AVL9: variants seen among roughly 807,000 people sequenced by gnomAD.
The protein encoded by AVL9 is AVL9 cell migration associated.
Under a neutral mutation model 79.2 loss-of-function variants are expected in AVL9, and 49 were observed. That is an observed-to-expected ratio of 0.62 (90% CI 0.49 to 0.79). The LOEUF is 0.79. Ranked by LOEUF, AVL9 falls within the 30% of genes least tolerant of loss-of-function variation. The pLI is 0.00. For missense variants in AVL9, 682 were observed against 776.8 expected (o/e 0.88, Z 1.45); for synonymous variants, 299 against 280.6 (o/e 1.07, Z -0.65).
intron 6 of AVL9, among the ~76,000 whole-genome samples, chr7:32,553,515 T>G (rs761400457): frequency 1.3e-5 from 2 of 152,214 alleles, no homozygotes; most frequent in African/African-American, 2.4e-5. Flanking sequence ...AAGACAGGTT[T>G]AAAATATTTT....
intron 1 of AVL9, among the ~76,000 whole-genome samples, chr7:32,519,068 A>T (rs1788028416): frequency 6.6e-6 from 1 of 152,226 alleles, no homozygotes; most frequent in Non-Finnish European, 1.5e-5. Flanking sequence ...CTATGATTAT[A>T]TGTGCCATGT....
intron 1 of AVL9, among the ~76,000 whole-genome samples, chr7:32,502,063 TA>T (rs34438459): frequency 2.5e-4 from 38 of 150,012 alleles, no homozygotes; most frequent in South Asian, 1.0e-3. Context: ...ACATTTATGA[TA>T]AAAAAAAAAT....
intron 1 of AVL9, among the ~76,000 whole-genome samples, chr7:32,498,679 T>C (rs1786976596): frequency 6.6e-6 from 1 of 151,874 alleles, no homozygotes; most frequent in Non-Finnish European, 1.5e-5. Context: ...TGTTAGCTTC[T>C]AGATGTCATT....
At position 32,552,136 on chromosome 7, in the gene AVL9, C is replaced by T. The variant is rs1789860376; in HGVS notation, c.463-93C>T. The T allele has an allele frequency of 3.9e-6, 3 of 777,012 alleles. No homozygotes were observed. In the East Asian group the frequency reaches 8.3e-5, roughly 22 times the overall value. 48.1% of individuals were successfully genotyped at this position (777,012 alleles called of 1,614,324 possible). Reference sequence around the variant, plus strand: ...TAGCGCCTAGCAGAACAAACTACCTCAATTAAGGAATCAGCTTTTTTCTGA... The same window carrying T: ...TAGCGCCTAGCAGAACAAACTACCTTAATTAAGGAATCAGCTTTTTTCTGA... On this transcript the variant is annotated intron_variant, in intron 5 of 15. Transcript: ENST00000318709.
chr7:32,559,430 A>T lies in AVL9; in HGVS notation c.1181A>T (p.Asp394Val), dbSNP rs1264259511. Residue 394 changes from aspartate to valine, a missense_variant, in exon 10 of 16, where the codon GAT becomes GTT. By Grantham distance (152) the Asp-to-Val change is radical. Transcript: ENST00000318709. ...GGGCTCATTTCGGGTTTGGAAGAGG[A>T]TCAGTATGGCATGCCCCTGGCCATC... The part of the protein sequence containing the change: ...IPGLISGLEE[D>V]QYGMPLAIFT... 6.3e-7 allele frequency: 1 copy of T among 1,598,084 alleles called. No individual in the cohort carries two copies. The highest frequency in any genetic ancestry group is 8.5e-7 in the Non-Finnish European group (1 of 1,172,948).
intron 11 of AVL9, 26 bp from the exon 12 acceptor site, chr7:32,573,173 C>CT (rs1217578502): frequency 6.2e-7 from 1 of 1,600,612 alleles, no homozygotes; most frequent in Admixed American, 1.7e-5. Flanking sequence ...TGCCCAGACT[C>CT]TGACTTGTAC....
At chr7:32,510,063 C>G (rs918493852) in intron 1 of AVL9, among the ~76,000 whole-genome samples, 10 of 152,218 alleles carry the variant, frequency 6.6e-5, no homozygotes, top group Admixed American at 2.6e-4. Flanking sequence ...ACAGTCCTGG[C>G]AATTCTGAAC....
intron 1 of AVL9, among the ~76,000 whole-genome samples, chr7:32,503,319 G>GATAT (rs371363185): frequency 0.012 from 1,465 of 120,546 alleles, 40 homozygotes; most frequent in South Asian, 0.039. Context: ...TCTACTAAAA[G>GATAT]ATATATATAT....
chr7:32,500,350 C>G (rs937617908), intron 1 of AVL9, among the ~76,000 whole-genome samples: 2 of 152,224 alleles, frequency 1.3e-5, no homozygotes, highest in African/African-American at 4.8e-5. Flanking sequence ...TGATGATGAG[C>G]TTTTTTTCAT....
chr7:32,544,486 T>TG (rs1490796952), intron 2 of AVL9, among the ~76,000 whole-genome samples: 1 of 152,230 alleles, frequency 6.6e-6, no homozygotes, highest in African/African-American at 2.4e-5. Flanking sequence ...TTCAGTCTCT[T>TG]GGGCTTTTTG....
At chr7:32,503,149 G>A (rs1787214066) in intron 1 of AVL9, among the ~76,000 whole-genome samples, 1 of 151,638 alleles carries the variant, frequency 6.6e-6, no homozygotes, top group South Asian at 2.1e-4. Flanking sequence ...TCAGAAGTGT[G>A]ACTTCTGAAT....
rs1422474900 is a variant in AVL9, at chr7:32,495,693, GC to G, written c.-14del. The G allele has an allele frequency of 1.6e-6, 2 of 1,254,762 alleles. No individual in the cohort carries two copies. The highest frequency in any genetic ancestry group is 3.1e-5 in the African/African-American group (2 of 64,588). The allele number at this position is 1,254,762 out of a possible 1,614,324, so 77.7% of individuals were successfully genotyped here. ...CTTGGCGGTCGAAGTCGTCGTGCGGGCCCGCGGCGGCCGCCCATGGAGAAGG... is the reference window on the plus strand; with the variant it reads ...CTTGGCGGTCGAAGTCGTCGTGCGGGCCGCGGCGGCCGCCCATGGAGAAGG... On this transcript the variant is annotated 5_prime_UTR_variant, in exon 1 of 16. Coordinates refer to ENST00000318709, the MANE Select transcript of AVL9 (RefSeq NM_015060.3).
chr7:32,565,667 C>T lies in AVL9; in HGVS notation c.1216-4353C>T, dbSNP rs185534751. On this transcript the variant is annotated intron_variant, in intron 10 of 15. Coordinates refer to ENST00000318709, the MANE Select transcript of AVL9 (RefSeq NM_015060.3). ...TCACTTGAGCTCAGAAATTTGAGAC[C>T]AGCCTGAGCAACATAGTGAGACCTC... Among the ~76,000 whole-genome samples the T allele has an allele frequency of 4.0e-3, 612 of 151,700 alleles. 6 individuals carry two copies. Among genetic ancestry groups the T allele is most frequent in the African/African-American group, 0.014 (594 of 41,414 alleles).
Position 32,570,163 on chromosome 7 carries a change from A to G in AVL9, c.1350+9A>G, listed in dbSNP as rs747933513. On this transcript the variant is annotated intron_variant, in intron 11 of 15. Transcript: ENST00000318709. The stretch of plus-strand genomic sequence containing the variant: ...GTGATGCCATTGTGGAAGTACGTTT[A>G]TGTGTGAGTGTGTGTATTTGGCCCT... The G allele has an allele frequency of 1.2e-6, 2 of 1,614,114 alleles. No homozygotes were observed. The highest frequency in any genetic ancestry group is 1.7e-6 in the Non-Finnish European group (2 of 1,179,966).
In AVL9 at chr7:32,576,002, T is replaced by C; in HGVS notation, c.1618T>C (p.Trp540Arg). Residue 540 changes from tryptophan (W) to arginine (R), a missense_variant, in exon 13 of 16, where the codon TGG (tryptophan) becomes CGG (arginine). Trp to Arg is a moderately radical substitution (Grantham distance 101). Transcript: ENST00000318709. The stretch of plus-strand genomic sequence containing the variant: ...CTATGGGACAACTTTTGTTACAGCA[T>C]GGAAGAATACTCACAACTACAGGGT... Reference protein sequence around the residue: ...SDYGTTFVTAWKNTHNYRVWN... With the variant: ...SDYGTTFVTARKNTHNYRVWN... The C allele has an allele frequency of 6.2e-7, 1 of 1,614,120 alleles. No homozygotes were observed. The highest frequency in any genetic ancestry group is 8.5e-7 in the Non-Finnish European group (1 of 1,179,966).
chr7:32,543,986 T>G (rs1013870417), intron 2 of AVL9, among the ~76,000 whole-genome samples: 1 of 151,772 alleles, frequency 6.6e-6, no homozygotes, highest in Non-Finnish European at 1.5e-5. Flanking sequence ...CCTGAGCTCC[T>G]GAGCTCAAGC....
At chr7:32,515,716 A>ACT (rs1787876373) in intron 1 of AVL9, among the ~76,000 whole-genome samples, 1 of 152,012 alleles carries the variant, frequency 6.6e-6, no homozygotes, top group Non-Finnish European at 1.5e-5. Context: ...GTTTCTCCTT[A>ACT]CTGTTATAGC....
rs775065389 is a variant in AVL9, at chr7:32,495,700, G to A, written c.-10G>A. Reference sequence around the variant, plus strand: ...GTCGAAGTCGTCGTGCGGGCCCGCGGCGGCCGCCCATGGAGAAGGCCAGGA... The same window carrying A: ...GTCGAAGTCGTCGTGCGGGCCCGCGACGGCCGCCCATGGAGAAGGCCAGGA... On this transcript the variant is annotated 5_prime_UTR_variant, in exon 1 of 16. Transcript: ENST00000318709. The A allele has an allele frequency of 2.4e-6, 3 of 1,256,008 alleles. No homozygotes were observed. The highest frequency in any genetic ancestry group is 3.5e-5 in the South Asian group (1 of 28,490). 77.8% of individuals were successfully genotyped at this position (1,256,008 alleles called of 1,614,324 possible).
intron 1 of AVL9, among the ~76,000 whole-genome samples, chr7:32,518,949 C>A (rs997300069): frequency 6.6e-6 from 1 of 152,126 alleles, no homozygotes; most frequent in Non-Finnish European, 1.5e-5. Context: ...TAATCTGTTT[C>A]TTTTTGAAAC....
Sources: allele counts gnomAD v4.1 joint callset (sites outside exome capture counted in the v4.1 genomes callset), GRCh38; gene constraint gnomAD v4.1.1; transcripts MANE v1.5; gene names NCBI Gene and HGNC (gene_info 2026-07-23, HGNC 2026-07-21).